The following TMEM35B variants were observed in gnomAD, a reference collection of about 807,000 sequenced individuals.
TMEM35B encodes the protein ZMYM6 neighbor protein.
In TMEM35B, 6 loss-of-function variants were observed where a neutral mutation model predicts 8.7. The ratio of observed to expected loss-of-function variants is 0.69; its 90% CI spans 0.38 to 1.36. The LOEUF (loss-of-function observed/expected upper bound fraction) is 1.36. Among genes scored for constraint, TMEM35B ranks in the 40% most tolerant of loss-of-function variants. The pLI is 0.02. For synonymous variants in TMEM35B, 89 were observed against 87.0 expected (o/e 1.02, Z -0.13); for missense variants, 176 against 181.6 (o/e 0.97, Z 0.18).
At chr1:34,981,867 G>T in exon 3 of TMEM35B, 1 of 1,377,986 alleles carries the variant, frequency 7.3e-7, no homozygotes, top group Non-Finnish European at 9.6e-7. Context: ...ATATTATACT[G>T]GTAACAAGAT....
At chr1:34,983,604 A>AC (rs1640531033) in intron 2 of TMEM35B, among the ~76,000 whole-genome samples, 163 bp downstream of exon 2, 1 of 145,216 alleles carries the variant, frequency 6.9e-6, no homozygotes, top group Non-Finnish European at 1.5e-5. Flanking sequence ...AAAAAAAAAA[A>AC]ATACCTGTGC....
chr1:34,983,578 C>CAAAAAA (rs1163962621), intron 2 of TMEM35B, among the ~76,000 whole-genome samples, 189 bp downstream of exon 2: 501 of 23,210 alleles, frequency 0.022, 74 homozygotes, highest in African/African-American at 0.061. Context: ...GACTCCATCT[C>CAAAAAA]AAAAAAAAAA....
chr1:34,985,203 G>A, exon 1 of TMEM35B: 1 of 1,535,324 alleles, frequency 6.5e-7, no homozygotes, highest in Non-Finnish European at 8.8e-7. Context: ...CTCACCATCC[G>A]CTCCGAAACT....
At chr1:34,981,788 T>C (rs1011693758) in exon 3 of TMEM35B, 7 of 565,726 alleles carry the variant, frequency 1.2e-5, no homozygotes, top group African/African-American at 7.6e-5. Context: ...CACAAAAGAG[T>C]AGTAAAGCTA....
At chr1:34,982,936 G>A (rs1248798373) in intron 2 of TMEM35B, among the ~76,000 whole-genome samples, 2 of 152,240 alleles carry the variant, frequency 1.3e-5, no homozygotes, top group African/African-American at 4.8e-5. Context: ...AGATGCCAGG[G>A]CATATAGAAG....
chr1:34,985,171 C>T (rs1640554419), intron 1 of TMEM35B, 27 bp downstream of exon 1: 2 of 1,513,234 alleles, frequency 1.3e-6, no homozygotes, highest in Non-Finnish European at 1.8e-6. Flanking sequence ...CGGGCCCGAT[C>T]CCCTGCCGCC....
intron 2 of TMEM35B, among the ~76,000 whole-genome samples, chr1:34,982,664 A>C (rs1415258881): frequency 6.6e-6 from 1 of 151,842 alleles, no homozygotes; most frequent in Non-Finnish European, 1.5e-5. Context: ...TTTAGTAGAG[A>C]CGGGGTTTCA....
chr1:34,981,899 T>C (rs1640510288), exon 3 of TMEM35B: 1 of 1,469,530 alleles, frequency 6.8e-7, no homozygotes, highest in Non-Finnish European at 9.1e-7. Context: ...TGTTCTACCA[T>C]GTTCCTGCTG....
chr1:34,984,592 A>G (rs1640543866), intron 1 of TMEM35B, among the ~76,000 whole-genome samples: 1 of 152,256 alleles, frequency 6.6e-6, no homozygotes, highest in African/African-American at 2.4e-5. Context: ...AGATTGGTGA[A>G]CAGGATATGA....
exon 3 of TMEM35B, chr1:34,981,930 G>C (rs777222070): frequency 1.2e-5 from 18 of 1,519,070 alleles, no homozygotes; most frequent in Non-Finnish European, 1.4e-5. Context: ...ATGGCATAAA[G>C]AGACAGAGAT....
intron 1 of TMEM35B, among the ~76,000 whole-genome samples, chr1:34,984,173 G>A (rs1640537597): frequency 6.6e-6 from 1 of 152,224 alleles, no homozygotes; most frequent in African/African-American, 2.4e-5. Context: ...TACAGAGATT[G>A]ATCTTCTCAC....
exon 3 of TMEM35B, chr1:34,981,898 A>G (rs1298663427): frequency 1.4e-6 from 2 of 1,469,412 alleles, no homozygotes; most frequent in Non-Finnish European, 1.8e-6. Context: ...GTGTTCTACC[A>G]TGTTCCTGCT....
chr1:34,981,567 G>C (rs923482293), exon 3 of TMEM35B: 1 of 153,562 alleles, frequency 6.5e-6, no homozygotes, highest in Admixed American at 6.4e-5. Flanking sequence ...TTAAAAGGAG[G>C]AAATAAAATA....
exon 3 of TMEM35B, chr1:34,981,833 T>C: frequency 1.7e-6 from 2 of 1,147,038 alleles, no homozygotes; most frequent in Non-Finnish European, 2.3e-6. Flanking sequence ...ACAAAATGTC[T>C]CTTTCAACAC....
chr1:34,982,989 A>G (rs1384562382), intron 2 of TMEM35B, among the ~76,000 whole-genome samples: 1 of 152,198 alleles, frequency 6.6e-6, no homozygotes, highest in Non-Finnish European at 1.5e-5. Context: ...CTGTCTTTGT[A>G]CATCAGCAGT....
At chr1:34,981,479 C>G (rs969938576), downstream of TMEM35B, 1 of 152,114 alleles carries the variant, frequency 6.6e-6, no homozygotes, top group Non-Finnish European at 1.5e-5. Flanking sequence ...ATAGTACATC[C>G]TTGCAATGGA....
exon 3 of TMEM35B, chr1:34,981,934 C>CA: frequency 6.6e-7 from 1 of 1,524,200 alleles, no homozygotes; most frequent in Non-Finnish European, 8.8e-7. Flanking sequence ...CATAAAGAGA[C>CA]AGAGATGCTC....
At chr1:34,984,764 T>G (rs1284513639) in intron 1 of TMEM35B, among the ~76,000 whole-genome samples, 1 of 152,166 alleles carries the variant, frequency 6.6e-6, no homozygotes, top group Non-Finnish European at 1.5e-5. Context: ...GCAGATATAC[T>G]TGCCCTTCAG....
intron 1 of TMEM35B, 99 bp from the exon 2 acceptor site, chr1:34,984,046 A>G (rs2148438503): frequency 8.2e-7 from 1 of 1,214,828 alleles, no homozygotes; most frequent in Non-Finnish European, 1.1e-6. Context: ...TCAACTTCCC[A>G]GAGAAAAGAA....
Sources: gnomAD v4.1 joint callset for allele counts (sites outside exome capture counted in the v4.1 genomes callset) on GRCh38, gnomAD v4.1.1 for gene constraint, MANE v1.5 for transcripts, NCBI Gene and HGNC (gene_info 2026-07-23, HGNC 2026-07-21) for gene names.